Variants in CALCR observed in about 807,000 individuals in gnomAD.
CALCR encodes the protein calcitonin receptor.
CALCR carries 47 observed loss-of-function variants against 59.5 expected under a neutral mutation model. The observed-to-expected ratio is 0.79, with a 90% CI of 0.63 to 1.01. CALCR has a LOEUF of 1.01. Among genes scored for constraint, CALCR ranks in the 50% least tolerant of loss-of-function variants. The probability of loss-of-function intolerance (pLI) is 0.00; values close to 1 mark genes in which losing one functional copy is unlikely to be tolerated. For synonymous variants in CALCR, 213 were observed against 211.3 expected (o/e 1.01, Z -0.07); for missense variants, 566 against 597.1 (o/e 0.95, Z 0.54).
chr7:93,546,576 CTT>C (rs772741599), intron 2 of CALCR, among the ~76,000 whole-genome samples: 18 of 141,766 alleles, frequency 1.3e-4, no homozygotes, highest in Non-Finnish European at 1.1e-4. Context: ...TTTTTCTTTT[CTT>C]TTTTTTTTTT....
At chr7:93,456,274 A>G (rs1800206435) in intron 8 of CALCR, among the ~76,000 whole-genome samples, 1 of 152,176 alleles carries the variant, frequency 6.6e-6, no homozygotes, top group Admixed American at 6.6e-5. Context: ...AAAATATGCA[A>G]GAGGCACAGT....
chr7:93,557,987 C>A (rs542408819), intron 2 of CALCR, among the ~76,000 whole-genome samples: 3 of 151,872 alleles, frequency 2.0e-5, no homozygotes, highest in Non-Finnish European at 2.9e-5. Flanking sequence ...TGTTTATTAC[C>A]TAGTTTGTGA....
intron 3 of CALCR, among the ~76,000 whole-genome samples, chr7:93,483,415 A>AGAT (rs1190702366): frequency 5.7e-4 from 52 of 91,136 alleles, no homozygotes; most frequent in African/African-American, 3.5e-3. Context: ...CTGTATAGAT[A>AGAT]GATAGATAGA....
chr7:93,553,032 C>T (rs1363326683), intron 2 of CALCR, among the ~76,000 whole-genome samples: 2 of 152,186 alleles, frequency 1.3e-5, no homozygotes, highest in Non-Finnish European at 2.9e-5. Flanking sequence ...ACATAATGGA[C>T]ACCTGACCTC....
chr7:93,562,767 A>G (rs1445944326), intron 2 of CALCR, among the ~76,000 whole-genome samples: 2 of 152,222 alleles, frequency 1.3e-5, no homozygotes, highest in African/African-American at 4.8e-5. Context: ...GCTCTTCAAT[A>G]AAGAATATCC....
At chr7:93,471,181 T>C (rs1490301003) in intron 6 of CALCR, among the ~76,000 whole-genome samples, 1 of 151,804 alleles carries the variant, frequency 6.6e-6, no homozygotes. Context: ...CTAAGAATGA[T>C]TTGGACTTGC....
chr7:93,470,397 T>C (rs1373595925), intron 6 of CALCR, among the ~76,000 whole-genome samples: 1 of 151,832 alleles, frequency 6.6e-6, no homozygotes, highest in African/African-American at 2.4e-5. Flanking sequence ...TAGTTTACTA[T>C]GTAGAACACT....
chr7:93,428,170 T>C (rs1799570518), intron 13 of CALCR, among the ~76,000 whole-genome samples: 1 of 152,214 alleles, frequency 6.6e-6, no homozygotes, highest in Admixed American at 6.5e-5. Context: ...AAAGATAGAA[T>C]AACAAGTTTC....
intron 2 of CALCR, among the ~76,000 whole-genome samples, chr7:93,548,742 A>C (rs1171005923): frequency 6.6e-6 from 1 of 151,592 alleles, no homozygotes; most frequent in Non-Finnish European, 1.5e-5. Flanking sequence ...AAAAAGCTTT[A>C]CTTTAACTAC....
At chr7:93,448,355 G>C (rs1368079222) in intron 8 of CALCR, among the ~76,000 whole-genome samples, 1 of 151,916 alleles carries the variant, frequency 6.6e-6, no homozygotes, top group Non-Finnish European at 1.5e-5. Context: ...ATTTGGCAAA[G>C]GAGAATTAAA....
chr7:93,533,061 C>A lies in CALCR; in HGVS notation c.-27+41228G>T, dbSNP rs561255333. Among the ~76,000 whole-genome samples the A allele has an allele frequency of 3.9e-5, 6 of 151,948 alleles. No individual in the cohort carries two copies. The East Asian group carries it at 1.2e-3, about 29-fold the overall frequency. On this transcript the variant is annotated intron_variant, in intron 2 of 13. Transcript: ENST00000426151. ...AGGATAAAGGTGATGCCAATTTTCT[C>A]ATTTTTATCCTTGTTATTCAATGAA... is the stretch of plus-strand genomic sequence containing the variant.
chr7:93,547,870 G>A (rs1789333485), intron 2 of CALCR, among the ~76,000 whole-genome samples: 1 of 152,096 alleles, frequency 6.6e-6, no homozygotes, highest in African/African-American at 2.4e-5. Context: ...ACGGGGGGTA[G>A]TTTGCCCCTA....
chr7:93,525,640 T>C (rs1221829423), intron 2 of CALCR, among the ~76,000 whole-genome samples: 1 of 152,178 alleles, frequency 6.6e-6, no homozygotes, highest in Non-Finnish European at 1.5e-5. Context: ...GGAGAGTTAG[T>C]CTAGAGATTT....
intron 2 of CALCR, among the ~76,000 whole-genome samples, chr7:93,513,119 C>T (rs915261248): frequency 4.6e-5 from 7 of 152,124 alleles, no homozygotes; most frequent in Non-Finnish European, 8.8e-5. Context: ...CCTGGAAATG[C>T]CACTTCCTTG....
chr7:93,559,266 C>T (rs1000629574), intron 2 of CALCR, among the ~76,000 whole-genome samples: 1 of 152,086 alleles, frequency 6.6e-6, no homozygotes, highest in East Asian at 1.9e-4. Flanking sequence ...AAAGCACAGT[C>T]CTGCTTAATT....
intron 2 of CALCR, among the ~76,000 whole-genome samples, chr7:93,491,858 C>G (rs1801085315): frequency 1.3e-5 from 2 of 151,864 alleles, no homozygotes; most frequent in Admixed American, 1.3e-4. Context: ...CCTCAAGGAT[C>G]TAGAACCAGA....
At chr7:93,436,231 T>G in intron 11 of CALCR, 61 bp from the exon 12 acceptor site, 1 of 1,330,664 alleles carries the variant, frequency 7.5e-7, no homozygotes, top group Non-Finnish European at 1.1e-6. Context: ...GAATATGCAC[T>G]GTTCTCAATT....
At chr7:93,475,335 G>C (rs1411308986) in intron 5 of CALCR, among the ~76,000 whole-genome samples, 1 of 151,724 alleles carries the variant, frequency 6.6e-6, no homozygotes, top group African/African-American at 2.4e-5. Flanking sequence ...AATTTACTGA[G>C]ATAGCCACTA....
rs558700039 is a variant in CALCR, at chr7:93,550,687, C to A, written c.-27+23602G>T. On this transcript the variant is annotated intron_variant, in intron 2 of 13. Coordinates refer to ENST00000426151, the MANE Select transcript of CALCR (RefSeq NM_001742.4). Reference sequence around the variant, plus strand: ...ATTGCTAAAGGGTATCAGACAAGAACAATATCTGAATGCGATGGCAAAACA... The same window carrying A: ...ATTGCTAAAGGGTATCAGACAAGAAAAATATCTGAATGCGATGGCAAAACA... Among the ~76,000 whole-genome samples, 229 of 150,030 alleles carry A rather than the reference C, an allele frequency of 1.5e-3. 3 individuals carry two copies. Among genetic ancestry groups the A allele is most frequent in the African/African-American group, 5.3e-3 (216 of 40,490 alleles).
Sources: allele counts gnomAD v4.1 joint callset (sites outside exome capture counted in the v4.1 genomes callset), GRCh38; gene constraint gnomAD v4.1.1; transcripts MANE v1.5; gene names NCBI Gene and HGNC (gene_info 2026-07-23, HGNC 2026-07-21).